Variants in AUTS2 observed in about 807,000 individuals in gnomAD.
The protein encoded by AUTS2 is autism susceptibility gene 2 protein.
Under a neutral mutation model 112.4 loss-of-function variants are expected in AUTS2, and 17 were observed. That is an observed-to-expected ratio of 0.15 (90% CI 0.10 to 0.23). AUTS2 has a LOEUF of 0.23. Among genes scored for constraint, AUTS2 ranks in the 10% least tolerant of loss-of-function variants. The probability of loss-of-function intolerance (pLI) is 1.00; values close to 1 mark genes in which losing one functional copy is unlikely to be tolerated. For synonymous variants in AUTS2, 751 were observed against 702.7 expected, an observed-to-expected ratio of 1.07 and a Z score of -1.09; for missense variants, 1,510 against 1,701.6, an observed-to-expected ratio of 0.89 and a Z score of 1.98.
intron 1 of AUTS2, among the ~76,000 whole-genome samples, chr7:69,689,894 G>A (rs532147168): frequency 4.9e-4 from 70 of 141,816 alleles, no homozygotes; most frequent in African/African-American, 1.8e-3. Flanking sequence ...TCACCATGTC[G>A]GTCGGCCAGG....
chr7:70,746,014 A>G (rs6967670), intron 6 of AUTS2, among the ~76,000 whole-genome samples: 6,642 of 152,306 alleles, frequency 0.044, 309 homozygotes, highest in African/African-American at 0.1. Flanking sequence ...GGTTAAAGAA[A>G]TCAACGATTT....
At chr7:70,051,019 T>C (rs1801727651) in intron 2 of AUTS2, among the ~76,000 whole-genome samples, 1 of 152,150 alleles carries the variant, frequency 6.6e-6, no homozygotes, top group South Asian at 2.1e-4. Context: ...TCAATTATTA[T>C]TCATAAAATG....
At chr7:69,649,608 A>G (rs926774161) in intron 1 of AUTS2, among the ~76,000 whole-genome samples, 4 of 151,626 alleles carry the variant, frequency 2.6e-5, no homozygotes, top group East Asian at 1.9e-4. Flanking sequence ...CCTCATTCCT[A>G]TGTATCTACA....
At chr7:70,026,360 T>G (rs1056243165) in intron 2 of AUTS2, among the ~76,000 whole-genome samples, 1 of 152,194 alleles carries the variant, frequency 6.6e-6, no homozygotes, top group Non-Finnish European at 1.5e-5. Flanking sequence ...TGAAGTGGAA[T>G]TGGGCAGACA....
intron 1 of AUTS2, among the ~76,000 whole-genome samples, chr7:69,628,290 CTT>C (rs773073808): frequency 5.9e-5 from 9 of 152,156 alleles, no homozygotes; most frequent in African/African-American, 1.2e-4. Context: ...AGAGAGGAAA[CTT>C]TTAAATCTTT....
intron 1 of AUTS2, among the ~76,000 whole-genome samples, chr7:69,807,915 C>T (rs545441826): frequency 4.7e-5 from 7 of 149,636 alleles, no homozygotes; most frequent in African/African-American, 1.2e-4. Flanking sequence ...AGCCTGCACT[C>T]AAGGGGAGGA....
intron 4 of AUTS2, among the ~76,000 whole-genome samples, chr7:70,370,575 A>G (rs953036727): frequency 1.3e-5 from 2 of 152,216 alleles, no homozygotes; most frequent in South Asian, 2.1e-4. Flanking sequence ...TTGTTTATCC[A>G]TTCATTAATT....
At chr7:70,537,256 G>A (rs1800361538) in intron 5 of AUTS2, among the ~76,000 whole-genome samples, 1 of 152,130 alleles carries the variant, frequency 6.6e-6, no homozygotes, top group South Asian at 2.1e-4. Context: ...CAAAATAAAA[G>A]CAGGTGACCT....
At chr7:70,086,547 G>A (rs986881006) in intron 2 of AUTS2, among the ~76,000 whole-genome samples, 7 of 151,328 alleles carry the variant, frequency 4.6e-5, no homozygotes, top group Non-Finnish European at 8.8e-5. Context: ...AGGCTGAGAC[G>A]GGAGAATTGC....
chr7:70,008,462 T>C (rs1257666485), intron 2 of AUTS2, among the ~76,000 whole-genome samples: 1 of 152,204 alleles, frequency 6.6e-6, no homozygotes, highest in Non-Finnish European at 1.5e-5. Flanking sequence ...TATTTGTTTA[T>C]TTTGTCTACC....
At chr7:70,592,790 C>T (rs1803011619) in intron 5 of AUTS2, among the ~76,000 whole-genome samples, 1 of 152,194 alleles carries the variant, frequency 6.6e-6, no homozygotes, top group South Asian at 2.1e-4. Context: ...GTTTGTTGAA[C>T]ATAAATGAAT....
chr7:69,949,490 T>G (rs932161671), intron 2 of AUTS2, among the ~76,000 whole-genome samples: 1 of 152,194 alleles, frequency 6.6e-6, no homozygotes, highest in African/African-American at 2.4e-5. Flanking sequence ...AGCTAGCAAT[T>G]AGCAAAGCCA....
At chr7:70,025,504 C>T (rs555067068) in intron 2 of AUTS2, among the ~76,000 whole-genome samples, 23 of 149,044 alleles carry the variant, frequency 1.5e-4, no homozygotes, top group African/African-American at 4.7e-4. Flanking sequence ...AAGGCTGGAA[C>T]GCAGTGGCTG....
chr7:70,237,379 A>G (rs902518741), intron 4 of AUTS2, among the ~76,000 whole-genome samples: 4 of 152,208 alleles, frequency 2.6e-5, no homozygotes, highest in Non-Finnish European at 4.4e-5. Context: ...GTAAACAAAC[A>G]GCAGCTGTCT....
chr7:70,544,793 G>A (rs958673783), intron 5 of AUTS2, among the ~76,000 whole-genome samples: 5 of 152,112 alleles, frequency 3.3e-5, no homozygotes, highest in Admixed American at 1.3e-4. Flanking sequence ...GAATGGCTGC[G>A]GGGTGTGCTG....
At chr7:70,028,188 G>T (rs558302445) in intron 2 of AUTS2, among the ~76,000 whole-genome samples, 1 of 151,742 alleles carries the variant, frequency 6.6e-6, no homozygotes, top group Admixed American at 6.6e-5. Flanking sequence ...TTTTCACCTG[G>T]CTTCCTCCCT....
chr7:70,387,115 C>T (rs1405174724), intron 4 of AUTS2, among the ~76,000 whole-genome samples: 3 of 152,198 alleles, frequency 2.0e-5, no homozygotes, highest in African/African-American at 7.2e-5. Flanking sequence ...CTGCTGCCTC[C>T]TCAAGCTACC....
intron 4 of AUTS2, among the ~76,000 whole-genome samples, chr7:70,310,612 T>TA (rs11449648): frequency 0.29 from 41,638 of 142,514 alleles, 6,010 homozygotes; most frequent in African/African-American, 0.37. Context: ...GACTCTGTCT[T>TA]AAAAAAAAAA....
chr7:70,351,458 C>T (rs976420767), intron 4 of AUTS2, among the ~76,000 whole-genome samples: 3 of 152,190 alleles, frequency 2.0e-5, no homozygotes, highest in African/African-American at 7.2e-5. Context: ...TGGTTGATTT[C>T]CTATCTTGGT....
Sources: gnomAD v4.1 joint callset for allele counts (sites outside exome capture counted in the v4.1 genomes callset) on GRCh38, gnomAD v4.1.1 for gene constraint, MANE v1.5 for transcripts, NCBI Gene and HGNC (gene_info 2026-07-23, HGNC 2026-07-21) for gene names.